The following ZDHHC21 variants were observed in gnomAD, a reference collection of about 807,000 sequenced individuals.
ZDHHC21 encodes the protein zDHHC palmitoyltransferase 21, also known as palmitoyltransferase ZDHHC21.
Under a neutral mutation model 34.6 loss-of-function variants are expected in ZDHHC21, and 15 were observed. The observed-to-expected ratio is 0.43, with a 90% CI of 0.29 to 0.67. The LOEUF (loss-of-function observed/expected upper bound fraction) is 0.67. Ranked by LOEUF, ZDHHC21 falls within the 30% of genes least tolerant of loss-of-function variation. The probability of loss-of-function intolerance (pLI) is 0.14; values close to 1 mark genes in which losing one functional copy is unlikely to be tolerated. For missense variants in ZDHHC21, 344 were observed against 327.7 expected (o/e 1.05, Z -0.38); for synonymous variants, 142 against 101.8 (o/e 1.40, Z -2.38).
chr9:14,631,804 C>T, intron 8 of ZDHHC21, among the ~76,000 whole-genome samples: 1 of 152,196 alleles, frequency 6.6e-6, no homozygotes. Flanking sequence ...AGAACACACA[C>T]AACATTTACC....
intron 7 of ZDHHC21, among the ~76,000 whole-genome samples, chr9:14,657,096 T>C (rs1832379170): frequency 6.6e-6 from 1 of 152,080 alleles, no homozygotes; most frequent in Admixed American, 6.5e-5. Flanking sequence ...GTTTCTACCT[T>C]TCATTTGGAG....
At chr9:14,669,913 G>C (rs1375561895) in intron 5 of ZDHHC21, among the ~76,000 whole-genome samples, 1 of 146,398 alleles carries the variant, frequency 6.8e-6, no homozygotes, top group Non-Finnish European at 1.5e-5. Flanking sequence ...TAGATGACGA[G>C]TTAGTGGGTG....
At chr9:14,658,701 G>C (rs754128870) in intron 7 of ZDHHC21, 48 bp downstream of exon 7, 20 of 1,533,234 alleles carry the variant, frequency 1.3e-5, no homozygotes, top group Non-Finnish European at 1.7e-5. Flanking sequence ...TCGATCTCCT[G>C]ACCTCGTGAT....
chr9:14,629,587 A>G (rs181290271), intron 8 of ZDHHC21, among the ~76,000 whole-genome samples: 84 of 152,324 alleles, frequency 5.5e-4, no homozygotes, highest in African/African-American at 2.0e-3. Context: ...TATGTCTAAA[A>G]CACAATGTAC....
At chr9:14,635,061 T>C (rs1384552000) in intron 8 of ZDHHC21, among the ~76,000 whole-genome samples, 3 of 151,980 alleles carry the variant, frequency 2.0e-5, no homozygotes, top group Non-Finnish European at 2.9e-5. Flanking sequence ...GTTTCGATAA[T>C]AGAATAGATC....
the ZDHHC21 span, among the ~76,000 whole-genome samples, chr9:14,601,758 A>C: frequency 4.6e-5 from 7 of 152,232 alleles, no homozygotes; most frequent in Admixed American, 2.0e-4. Context: ...GTTGTGCATC[A>C]ATGATAGACT....
the ZDHHC21 span, among the ~76,000 whole-genome samples, chr9:14,595,727 C>G: frequency 6.6e-6 from 1 of 151,840 alleles, no homozygotes; most frequent in Non-Finnish European, 1.5e-5. Flanking sequence ...TAAAAATGGT[C>G]AAAAGATTTG....
chr9:14,660,308 G>C (rs913882991), intron 6 of ZDHHC21, among the ~76,000 whole-genome samples: 1 of 143,392 alleles, frequency 7.0e-6, no homozygotes, highest in African/African-American at 2.6e-5. Context: ...AGAGGTTGCA[G>C]TGAGGCAGAG....
chr9:14,651,637 A>G (rs777157367), intron 7 of ZDHHC21, among the ~76,000 whole-genome samples: 4 of 151,992 alleles, frequency 2.6e-5, no homozygotes, highest in Non-Finnish European at 4.4e-5. Flanking sequence ...TAAAATATTC[A>G]TGGATAAACA....
chr9:14,642,434 A>T (rs1196951441), intron 7 of ZDHHC21, among the ~76,000 whole-genome samples: 1 of 152,214 alleles, frequency 6.6e-6, no homozygotes, highest in Non-Finnish European at 1.5e-5. Context: ...TCTTTACTAC[A>T]TAATCAGTGT....
chr9:14,650,665 T>C lies in ZDHHC21; in HGVS notation c.504+8084A>G, dbSNP rs952996986. ...GCAGCCAAGTCTTCTGGCTATTTCT[T>C]TTTTTTGTTAGCCAAAAGGCTAGGC... is the stretch of plus-strand genomic sequence containing the variant. On this transcript the variant is annotated intron_variant, in intron 7 of 9. Coordinates refer to ENST00000380916, the MANE Select transcript of ZDHHC21 (RefSeq NM_178566.6). 2.0e-5 allele frequency among the ~76,000 whole-genome samples: 3 copies of C among 152,006 alleles called. No individual in the cohort carries two copies. In the South Asian group the frequency reaches 6.2e-4, roughly 31 times the overall value.
At chr9:14,641,234 C>T (rs951524622) in intron 7 of ZDHHC21, among the ~76,000 whole-genome samples, 2 of 152,126 alleles carry the variant, frequency 1.3e-5, no homozygotes, top group African/African-American at 4.8e-5. Context: ...ATCCACATTA[C>T]TTATTCATTA....
downstream of ZDHHC21, among the ~76,000 whole-genome samples, chr9:14,606,384 A>G (rs112805003): frequency 1.3e-5 from 2 of 152,162 alleles, no homozygotes; most frequent in Non-Finnish European, 2.9e-5. Context: ...AGTAAGCCCA[A>G]AGTTATATGT....
chr9:14,669,492 C>G (rs1008907146), intron 5 of ZDHHC21, among the ~76,000 whole-genome samples: 6 of 151,188 alleles, frequency 4.0e-5, no homozygotes, highest in African/African-American at 7.3e-5. Flanking sequence ...ACCCAGCCAT[C>G]CCATTACTGG....
intron 2 of ZDHHC21, among the ~76,000 whole-genome samples, chr9:14,690,115 A>C (rs1465404691): frequency 6.6e-6 from 1 of 152,174 alleles, no homozygotes; most frequent in Non-Finnish European, 1.5e-5. Context: ...GATACAGTAA[A>C]AGCCAGAAAT....
At chr9:14,659,269 T>TTGA (rs1665887923) in intron 6 of ZDHHC21, among the ~76,000 whole-genome samples, 1 of 152,098 alleles carries the variant, frequency 6.6e-6, no homozygotes, top group South Asian at 2.1e-4. Context: ...TTCCCTGTAT[T>TTGA]TTGCTCTTCC....
At chr9:14,662,844 T>G (rs758098581) in intron 5 of ZDHHC21, among the ~76,000 whole-genome samples, 11 of 152,154 alleles carry the variant, frequency 7.2e-5, no homozygotes, top group Non-Finnish European at 1.6e-4. Context: ...ATCATTTAAT[T>G]TTAAAAAACA....
chr9:14,677,933 A>C (rs571745985), intron 3 of ZDHHC21, among the ~76,000 whole-genome samples: 2 of 152,250 alleles, frequency 1.3e-5, no homozygotes, highest in African/African-American at 4.8e-5. Context: ...AAGCATAAAG[A>C]TTAGCCAAAA....
At position 14,617,308 on chromosome 9, in the gene ZDHHC21, T is replaced by G. The variant is rs1337263944; in HGVS notation, c.*1658A>C. On this transcript the variant is annotated 3_prime_UTR_variant, in exon 10 of 10. Coordinates refer to ENST00000380916, the MANE Select transcript of ZDHHC21 (RefSeq NM_178566.6). ...TCGTCTGCTGTATTTCTGTTCGTAT[T>G]TCTGAGTTTGTAAGTAATAAAGTAT... The G allele has an allele frequency of 6.6e-6, 1 of 152,006 alleles. No individual in the cohort carries two copies. The highest frequency in any genetic ancestry group is 1.5e-5 in the Non-Finnish European group (1 of 67,924). The allele number at this position is 152,006 out of a possible 1,614,324, so 9.4% of individuals were successfully genotyped here.
Sources: allele counts gnomAD v4.1 joint callset (sites outside exome capture counted in the v4.1 genomes callset), GRCh38; gene constraint gnomAD v4.1.1; transcripts MANE v1.5; gene names NCBI Gene and HGNC (gene_info 2026-07-23, HGNC 2026-07-21).